The following SMIM21 variants were observed in gnomAD, a reference collection of about 807,000 sequenced individuals.
The protein encoded by SMIM21 is chromosome 18 open reading frame 62.
SMIM21 carries 8 observed loss-of-function variants against 8.6 expected under a neutral mutation model. The observed-to-expected ratio is 0.93, with a 90% confidence interval of 0.55 to 1.68. The LOEUF is 1.68. SMIM21 is among the 40% of genes most tolerant of loss of function. The pLI is 0.00. For missense variants in SMIM21, 132 were observed against 123.0 expected, an observed-to-expected ratio of 1.07 and a Z score of -0.35; for synonymous variants, 43 against 41.7, an observed-to-expected ratio of 1.03 and a Z score of -0.12.
chr18:75,427,532 C>T lies in SMIM21; in HGVS notation c.32G>A (p.Arg11Gln), dbSNP rs150012105. The change falls in exon 1 of 3, where the codon CGA becomes CAA. Residue 11 changes from arginine (R) to glutamine (Q), a missense_variant. Physicochemically the swap from Arg to Gln is conservative, Grantham distance 43. Coordinates refer to ENST00000579022, the MANE Select transcript of SMIM21 (RefSeq NM_001037331.3). Reference protein sequence around the residue: MDQYVSTAPPRFPIAQLGTFK... With the variant: MDQYVSTAPPQFPIAQLGTFK... ...TGTTCCCAGCTGTGCTATAGGGAATCGGGGAGGAGCTGTGGACACATACTG... is the reference window on the plus strand; with the variant it reads ...TGTTCCCAGCTGTGCTATAGGGAATTGGGGAGGAGCTGTGGACACATACTG... 1.3e-4 allele frequency: 216 copies of T among 1,611,432 alleles called. No homozygotes were observed. The highest frequency in any genetic ancestry group is 2.4e-4 in the African/African-American group (18 of 74,786).
intron 1 of SMIM21, among the ~76,000 whole-genome samples, chr18:75,426,696 A>T (rs1260815741): frequency 6.6e-6 from 1 of 151,148 alleles, no homozygotes; most frequent in Non-Finnish European, 1.5e-5. Flanking sequence ...GGAAATAAAG[A>T]AGCAGCAGTG....
chr18:75,421,473 C>A (rs1359581570), intron 1 of SMIM21, among the ~76,000 whole-genome samples: 2 of 151,218 alleles, frequency 1.3e-5, no homozygotes, highest in East Asian at 3.9e-4. Context: ...TCTGCTGTGG[C>A]CACAAGTCGG....
chr18:75,419,741 A>G (rs188495204), intron 1 of SMIM21, among the ~76,000 whole-genome samples: 7 of 152,350 alleles, frequency 4.6e-5, no homozygotes, highest in Non-Finnish European at 8.8e-5. Context: ...AAAAACTTGT[A>G]GATATACTTT....
At chr18:75,423,111 A>G (rs1201098319) in intron 1 of SMIM21, among the ~76,000 whole-genome samples, 2 of 152,240 alleles carry the variant, frequency 1.3e-5, no homozygotes, top group Admixed American at 6.5e-5. Flanking sequence ...TGTATTAAAA[A>G]TAATTCTACA....
intron 1 of SMIM21, among the ~76,000 whole-genome samples, chr18:75,421,983 T>C (rs1334336859): frequency 2.6e-5 from 4 of 152,070 alleles, no homozygotes; most frequent in Non-Finnish European, 4.4e-5. Context: ...GGACTACACT[T>C]TGAGAACCAA....
chr18:75,414,871 CA>C (rs2024627707), intron 2 of SMIM21, among the ~76,000 whole-genome samples: 1 of 151,616 alleles, frequency 6.6e-6, no homozygotes, highest in African/African-American at 2.4e-5. Flanking sequence ...GTGACACCAG[CA>C]AAAAAGAGGG....
intron 2 of SMIM21, among the ~76,000 whole-genome samples, chr18:75,414,393 C>T (rs2024621157): frequency 1.3e-5 from 2 of 152,152 alleles, no homozygotes; most frequent in Admixed American, 6.5e-5. Flanking sequence ...TAAAAAATAA[C>T]TCCTGCTCCA....
chr18:75,423,172 G>T (rs774394970), intron 1 of SMIM21, among the ~76,000 whole-genome samples: 2 of 152,084 alleles, frequency 1.3e-5, no homozygotes, highest in Non-Finnish European at 2.9e-5. Context: ...TTTCCTACAG[G>T]ACTTCCCAGA....
Position 75,411,219 on chromosome 18 carries a change from T to C in SMIM21, c.261-310A>G, listed in dbSNP as rs568394761. ...CTTCTCAAAGCCCTTACTAGCCTTG[T>C]ATAAAGGATGATAGATAGAAGTCGA... On this transcript the variant is annotated intron_variant, in intron 2 of 2. Coordinates refer to ENST00000579022, the MANE Select transcript of SMIM21 (RefSeq NM_001037331.3). Among the ~76,000 whole-genome samples, 7 of 152,330 alleles carry C rather than the reference T, an allele frequency of 4.6e-5. No individual in the cohort carries two copies. In the South Asian group the frequency reaches 1.5e-3, roughly 32 times the overall value.
chr18:75,420,162 T>C (rs1216533119), intron 1 of SMIM21, among the ~76,000 whole-genome samples: 1 of 152,176 alleles, frequency 6.6e-6, no homozygotes, highest in Non-Finnish European at 1.5e-5. Context: ...AGTATTGCAG[T>C]GAGAGAGAGC....
At chr18:75,413,725 GGTCCCTCTT>G (rs1325828914) in intron 2 of SMIM21, among the ~76,000 whole-genome samples, 3 of 152,074 alleles carry the variant, frequency 2.0e-5, no homozygotes, top group African/African-American at 7.2e-5. Flanking sequence ...GAATATGACT[GGTCCCTCTT>G]GTCTCAGAAT....
In SMIM21 at chr18:75,418,866, AT is replaced by A. The variant is rs761087238; in HGVS notation, c.179del (p.His60LeufsTer2). 8 of 1,608,440 alleles carry A rather than the reference AT, an allele frequency of 5.0e-6. No individual in the cohort carries two copies. The African/African-American group carries it at 1.1e-4, about 21-fold the overall frequency. On this transcript the variant is annotated frameshift_variant, in exon 2 of 3. Transcript: ENST00000579022. LOFTEE classifies it high-confidence loss of function. ...TATGATTCCTCAGCAACACCATCAC[AT>A]GGAAAAGAACCAACAATGTGAAGAA... Reference protein sequence around the residue: ...IRFFTLLVLFHVMVLLRNHSR... With the variant: ...IRFFTLLVLFXVMVLLRNHSR...
In SMIM21 at chr18:75,410,837, G is replaced by C; in HGVS notation, c.*27C>G. On this transcript the variant is annotated 3_prime_UTR_variant, in exon 3 of 3. Transcript: ENST00000579022. ...GAGCAGGGGAAATCCATGGTATGAA[G>C]GCCATGAGAGAGAAACGTAGTGTCA... The C allele has an allele frequency of 1.2e-6, 2 of 1,613,904 alleles. No individual in the cohort carries two copies. Among genetic ancestry groups the C allele is most frequent in the Non-Finnish European group, 1.7e-6 (2 of 1,179,944 alleles).
intron 2 of SMIM21, chr18:75,417,328 G>C (rs963611366): frequency 7.9e-5 from 12 of 152,212 alleles, no homozygotes; most frequent in African/African-American, 2.9e-4. Flanking sequence ...CAAGAGAGTA[G>C]AGAGAACGGG....
chr18:75,420,205 G>A (rs980362570), intron 1 of SMIM21, among the ~76,000 whole-genome samples: 2 of 152,138 alleles, frequency 1.3e-5, no homozygotes, highest in Non-Finnish European at 2.9e-5. Context: ...TTCAAAGCTG[G>A]AGCTACTTGG....
chr18:75,409,755 C>CAGT lies in SMIM21; in HGVS notation c.*1108_*1109insACT, dbSNP rs2024562678. ...GATGGAGGCTGTGGTGTAAGAGTTACACCTCTGTCATTCCTCCACTTTGTT... is the reference window on the plus strand; with the variant it reads ...GATGGAGGCTGTGGTGTAAGAGTTACAGTACCTCTGTCATTCCTCCACTTTGTT... On this transcript the variant is annotated 3_prime_UTR_variant, in exon 3 of 3. Transcript: ENST00000579022. 6.6e-6 allele frequency: 1 copy of CAGT among 152,236 alleles called. No homozygotes were observed. Among genetic ancestry groups the CAGT allele is most frequent in the East Asian group, 1.9e-4 (1 of 5,188 alleles). The allele number at this position is 152,236 out of a possible 1,614,324, so 9.4% of individuals were successfully genotyped here.
rs188728173 is a variant in SMIM21, at chr18:75,410,933, A to G, written c.261-24T>C. Reference sequence around the variant, plus strand: ...AGCTGCAAGAGACAAAAGGGGGAAAAAGCATTTTATTTTTTTGATAGATAT... The same window carrying G: ...AGCTGCAAGAGACAAAAGGGGGAAAGAGCATTTTATTTTTTTGATAGATAT... On this transcript the variant is annotated intron_variant, in intron 2 of 2. Transcript: ENST00000579022. 1.9e-6 allele frequency: 3 copies of G among 1,613,634 alleles called. No homozygotes were observed. In the East Asian group the frequency reaches 6.7e-5, roughly 36 times the overall value.
At chr18:75,425,376 A>T (rs2024750910) in intron 1 of SMIM21, among the ~76,000 whole-genome samples, 1 of 152,216 alleles carries the variant, frequency 6.6e-6, no homozygotes, top group Non-Finnish European at 1.5e-5. Context: ...AACACTGGCC[A>T]AAAGAAAAAA....
chr18:75,413,844 G>C (rs1170656405), intron 2 of SMIM21, among the ~76,000 whole-genome samples: 3 of 152,062 alleles, frequency 2.0e-5, no homozygotes, highest in Non-Finnish European at 4.4e-5. Context: ...GATCTGCATT[G>C]CTTAGAACAG....
Sources: allele counts gnomAD v4.1 joint callset (sites outside exome capture counted in the v4.1 genomes callset), GRCh38; gene constraint gnomAD v4.1.1; transcripts MANE v1.5; gene names NCBI Gene and HGNC (gene_info 2026-07-23, HGNC 2026-07-21).